MED13: variants seen among roughly 807,000 people sequenced by gnomAD.
MED13 encodes mediator complex subunit 13.
A neutral mutation model predicts 225.2 loss-of-function variants in MED13; 23 were observed. The observed-to-expected ratio is 0.10, with a 90% confidence interval of 0.07 to 0.14. The LOEUF (loss-of-function observed/expected upper bound fraction) is 0.14, where lower values mean the gene tolerates loss of function less well. Ranked by LOEUF, MED13 falls within the 10% of genes least tolerant of loss-of-function variation. The pLI is 1.00. For missense variants in MED13, 2,197 were observed against 2,594.5 expected (o/e 0.85, Z 3.33); for synonymous variants, 942 against 889.2 (o/e 1.06, Z -1.06).
Position 62,033,793 on chromosome 17 carries a change from G to A in MED13, c.808C>T (p.Leu270Phe), listed in dbSNP as rs1338796076. The change falls in exon 5 of 30, where the codon CTT becomes TTT. Residue 270 changes from leucine to phenylalanine, a missense_variant. Around this residue, in one of 12 missense-constraint regions of MED13, gnomAD observed 884 missense variants for 918.5 expected, o/e 0.96. Coordinates refer to ENST00000397786, the MANE Select transcript of MED13 (RefSeq NM_005121.3). ...TAATACTCAGGATCCATACCAACAA[G>A]AACTTCTACTGCAGCTAAAGAATCA... ...EDDSLAAVEV[L>F]VAGVRMIYPA... The A allele has an allele frequency of 6.2e-7, 1 of 1,613,826 alleles. No individual in the cohort carries two copies. The highest frequency in any genetic ancestry group is 2.2e-5 in the East Asian group (1 of 44,854).
Position 61,965,170 on chromosome 17 carries a change from G to A in MED13, c.4680C>T (p.Pro1560=), listed in dbSNP as rs771250872. The change falls in exon 20 of 30, where the codon CCC becomes CCT. Residue 1560 remains proline (P), a synonymous_variant. Coordinates refer to ENST00000397786, the MANE Select transcript of MED13 (RefSeq NM_005121.3). The part of the protein sequence containing the change: ...VSSNKLPSFP[P]FGSMNSNAAG... ...CAGCATTACTGTTCATACTGCCAAA[G>A]GGTGGAAACGAAGGTAGTTTATTTG... The A allele has an allele frequency of 3.1e-6, 5 of 1,614,040 alleles. No individual in the cohort carries two copies. In the African/African-American group the frequency reaches 5.3e-5, roughly 17 times the overall value.
chr17:62,036,471 G>C (rs1265896888), intron 3 of MED13, among the ~76,000 whole-genome samples: 1 of 152,136 alleles, frequency 6.6e-6, no homozygotes, highest in African/African-American at 2.4e-5. Flanking sequence ...GAGGATAAGA[G>C]TGTACACTAA....
intron 3 of MED13, among the ~76,000 whole-genome samples, chr17:62,043,863 G>T (rs770407365): frequency 2.4e-4 from 37 of 151,232 alleles, no homozygotes; most frequent in South Asian, 6.3e-4. Context: ...TATACATTTA[G>T]TTTTTTTTTA....
intron 8 of MED13, among the ~76,000 whole-genome samples, chr17:62,025,429 A>T (rs1603404446): frequency 6.6e-6 from 1 of 152,326 alleles, no homozygotes; most frequent in Middle Eastern, 3.4e-3. Context: ...ACACTTTGGG[A>T]GGCCAAGGCA....
In MED13 at chr17:61,972,728, A is replaced by G. The variant is rs952088374; in HGVS notation, c.3966T>C (p.Tyr1322=). The change falls in exon 17 of 30, where the codon TAT becomes TAC. Residue 1322 remains tyrosine, a splice_region_variant and synonymous_variant. Transcript: ENST00000397786. ...TATATATCACTATAAATTACTTACC[A>G]TAAGAGCCTCGGCCAGCCATTTTAT... is the stretch of plus-strand genomic sequence containing the variant. The part of the protein sequence containing the change: ...QFHKMAGRGS[Y]GTDESPEPLP... The G allele has an allele frequency of 5.0e-6, 8 of 1,608,040 alleles. No homozygotes were observed. Among genetic ancestry groups the G allele is most frequent in the East Asian group, 2.2e-5 (1 of 44,836 alleles).
At chr17:62,008,390 C>G (rs557630614) in intron 9 of MED13, among the ~76,000 whole-genome samples, 200 of 144,986 alleles carry the variant, frequency 1.4e-3, no homozygotes, top group Non-Finnish European at 2.4e-3. Context: ...GAAAAAAGAT[C>G]ATTATACCTG....
intron 8 of MED13, among the ~76,000 whole-genome samples, chr17:62,015,277 C>A (rs553299435): frequency 6.6e-5 from 10 of 152,246 alleles, no homozygotes; most frequent in African/African-American, 2.2e-4. Flanking sequence ...TGAAGTACTG[C>A]AGAAGTGTAA....
chr17:62,042,519 G>A (rs1567997209), intron 3 of MED13, among the ~76,000 whole-genome samples: 1 of 127,582 alleles, frequency 7.8e-6, no homozygotes, highest in South Asian at 2.4e-4. Flanking sequence ...CCGAGATTGC[G>A]CCACTGCACT....
At chr17:61,953,514 C>T (rs553906513) in intron 26 of MED13, among the ~76,000 whole-genome samples, 23 of 152,156 alleles carry the variant, frequency 1.5e-4, no homozygotes, top group Admixed American at 4.6e-4. Flanking sequence ...GATGTGATGA[C>T]ACTATACTGC....
chr17:61,975,076 G>GGAGGAT (rs1294679668), intron 16 of MED13, among the ~76,000 whole-genome samples: 1 of 151,962 alleles, frequency 6.6e-6, no homozygotes, highest in East Asian at 1.9e-4. Flanking sequence ...GGCTGCAGCG[G>GGAGGAT]GAGGATCCCT....
chr17:61,948,905 T>C (rs907861578), intron 28 of MED13, among the ~76,000 whole-genome samples: 11 of 150,360 alleles, frequency 7.3e-5, no homozygotes, highest in Non-Finnish European at 1.5e-4. Flanking sequence ...GCTAAAACGG[T>C]GAAACCCCAT....
chr17:62,030,079 G>A (rs1354129759), intron 6 of MED13, 66 bp from the exon 7 acceptor site: 8 of 1,318,568 alleles, frequency 6.1e-6, no homozygotes, highest in African/African-American at 1.5e-5. Context: ...CATTATTTGG[G>A]TTTTTTATTA....
intron 2 of MED13, among the ~76,000 whole-genome samples, chr17:62,058,534 A>G (rs1349646268): frequency 6.6e-6 from 1 of 151,040 alleles, no homozygotes; most frequent in Non-Finnish European, 1.5e-5. Context: ...AAAAAAAAAA[A>G]AAAAAAAAGA....
chr17:62,011,326 T>C, intron 8 of MED13, 93 bp from the exon 9 acceptor site: 1 of 1,099,772 alleles, frequency 9.1e-7, no homozygotes, highest in Non-Finnish European at 1.3e-6. Flanking sequence ...TCGGTTATCA[T>C]TTCTTTTTCA....
intron 3 of MED13, among the ~76,000 whole-genome samples, chr17:62,048,534 A>G (rs76538964): frequency 5.9e-5 from 9 of 152,292 alleles, no homozygotes; most frequent in Non-Finnish European, 1.2e-4. Flanking sequence ...TGGTTGAAAC[A>G]GAGGGACTCA....
chr17:62,047,444 T>C (rs2080908287), intron 3 of MED13, among the ~76,000 whole-genome samples: 1 of 151,978 alleles, frequency 6.6e-6, no homozygotes, highest in South Asian at 2.1e-4. Flanking sequence ...CTCAGCAAAC[T>C]AACACAAGAA....
chr17:61,952,798 G>A (rs924641725), intron 27 of MED13, among the ~76,000 whole-genome samples, 167 bp downstream of exon 27: 8 of 152,050 alleles, frequency 5.3e-5, no homozygotes, highest in South Asian at 2.1e-4. Flanking sequence ...CACCTTACCC[G>A]GCTATTTTTT....
chr17:62,047,756 A>G (rs1299364356), intron 3 of MED13, among the ~76,000 whole-genome samples: 1 of 151,776 alleles, frequency 6.6e-6, no homozygotes, highest in Non-Finnish European at 1.5e-5. Context: ...TAAGATCATT[A>G]AAAAAGAGAG....
In MED13 at chr17:61,946,282, A is replaced by G. The variant is rs538396905; in HGVS notation, c.*186T>C. On this transcript the variant is annotated 3_prime_UTR_variant, in exon 30 of 30. Coordinates refer to ENST00000397786, the MANE Select transcript of MED13 (RefSeq NM_005121.3). Reference sequence around the variant, plus strand: ...GATCAGTCATCATCCTAAAGAGTTCAATAGAGTCAATGAAAAATAGCAGGG... The same window carrying G: ...GATCAGTCATCATCCTAAAGAGTTCGATAGAGTCAATGAAAAATAGCAGGG... 328 of 626,000 alleles carry G rather than the reference A, an allele frequency of 5.2e-4. No homozygotes were observed. In the African/African-American group the frequency reaches 5.7e-3, roughly 11 times the overall value. 38.8% of individuals were successfully genotyped at this position (626,000 alleles called of 1,614,324 possible). A position where few individuals can be genotyped will look rare whatever the true frequency, so the allele number is the denominator to read the frequency against.
Sources: allele counts gnomAD v4.1 joint callset (sites outside exome capture counted in the v4.1 genomes callset), GRCh38; gene constraint gnomAD v4.1.1; regional missense constraint gnomAD v4.1.1; transcripts MANE v1.5; gene names NCBI Gene and HGNC (gene_info 2026-07-23, HGNC 2026-07-21).